TTN: variants seen among roughly 807,000 people sequenced by gnomAD.
TTN encodes the protein titin, also known as connectin.
A neutral mutation model predicts 3,223.0 loss-of-function variants in TTN; 1,525 were observed. The ratio of observed to expected loss-of-function variants is 0.47; its 90% CI spans 0.45 to 0.49. The LOEUF is 0.49. Among genes scored for constraint, TTN ranks in the 20% least tolerant of loss-of-function variants. TTN has a pLI of 0.00. For missense variants in TTN, 40,786 were observed against 43,424.0 expected (o/e 0.94, Z 5.40); for synonymous variants, 14,094 against 15,161.0 (o/e 0.93, Z 5.17).
rs1441559961 is a variant in TTN, at chr2:178,528,148, G to T, written c.107377+126C>A. 7.4e-6 allele frequency: 8 copies of T among 1,081,504 alleles called. No individual in the cohort carries two copies. In the East Asian group the frequency reaches 1.5e-4, roughly 20 times the overall value. The allele number at this position is 1,081,504 out of a possible 1,614,324, so 67.0% of individuals were successfully genotyped here. On this transcript the variant is annotated intron_variant, in intron 361 of 362. Transcript: ENST00000589042. ...TGACTACAAGAATGAATTCACATCA[G>T]TTGGCTGTCCCTCTTTCACATGGAA...
At chr2:178,751,574 A>C in intron 47 of TTN, 1 of 1,613,146 alleles carries the variant, frequency 6.2e-7, no homozygotes, top group Non-Finnish European at 8.5e-7. Context: ...TCTTTTCAGA[A>C]ATTCTAAATA....
chr2:178,644,713 T>C, intron 217 of TTN, 97 bp from the exon 218 acceptor site: 1 of 948,140 alleles, frequency 1.1e-6, no homozygotes, highest in Non-Finnish European at 1.5e-6. Flanking sequence ...GCTTTGCTTA[T>C]AACCAGAAAG....
At chr2:178,653,161 A>C (rs1460887030) in intron 198 of TTN, 37 bp from the exon 199 acceptor site, 1 of 1,609,664 alleles carries the variant, frequency 6.2e-7, no homozygotes, top group East Asian at 2.2e-5. Flanking sequence ...TTTAGGGGTT[A>C]TGAAGACCAC....
In TTN at chr2:178,597,723, G is replaced by A. The variant is rs936369232; in HGVS notation, c.57359C>T (p.Pro19120Leu). ...IRIIAYVSGK[P>L]PPTVTWNMNE... ...CATGTTCCAGGTGACGGTTGGAGGAGGCTTTCCAGACACATAGGCAATGAT... is the reference window on the plus strand; with the variant it reads ...CATGTTCCAGGTGACGGTTGGAGGAAGCTTTCCAGACACATAGGCAATGAT... Residue 19120 changes from proline to leucine, a missense_variant, in exon 294 of 363, where the codon CCT (proline) becomes CTT (leucine). Physicochemically the swap from Pro to Leu is moderately conservative, Grantham distance 98. Transcript: ENST00000589042. 2 of 1,613,282 alleles carry A rather than the reference G, an allele frequency of 1.2e-6. No homozygotes were observed. Among genetic ancestry groups the A allele is most frequent in the Non-Finnish European group, 1.7e-6 (2 of 1,179,562 alleles).
At chr2:178,696,294 G>C in intron 113 of TTN, 25 bp from the exon 114 acceptor site, 1 of 1,478,828 alleles carries the variant, frequency 6.8e-7, no homozygotes, top group Non-Finnish European at 8.9e-7. Context: ...GATACTATTA[G>C]CATATTAATT....
intron 21 of TTN, among the ~76,000 whole-genome samples, chr2:178,780,822 T>C (rs1405310657): frequency 6.6e-6 from 1 of 152,244 alleles, no homozygotes; most frequent in Admixed American, 6.5e-5. Context: ...TTGAGCTCAC[T>C]GTTACCTGCC....
In TTN at chr2:178,793,608, G is replaced by A. The variant is rs572184696; in HGVS notation, c.1399-67C>T. The A allele has an allele frequency of 9.4e-6, 15 of 1,601,444 alleles. No individual in the cohort carries two copies. In the South Asian group the frequency reaches 1.6e-4, roughly 18 times the overall value. On this transcript the variant is annotated intron_variant, in intron 8 of 362. Transcript: ENST00000589042. ...TTACATAAAAATTAGTTCAAGACCAGCCTCGCCAACATGGTGAAATCCTCT... is the reference window on the plus strand; with the variant it reads ...TTACATAAAAATTAGTTCAAGACCAACCTCGCCAACATGGTGAAATCCTCT...
chr2:178,773,029 G>T (rs193114828), intron 33 of TTN, 80 bp downstream of exon 33: 9 of 1,590,304 alleles, frequency 5.7e-6, no homozygotes, highest in Non-Finnish European at 6.9e-6. Flanking sequence ...AAACTGAAAG[G>T]AATTTTGGGG....
chr2:178,713,967 A>G lies in TTN; in HGVS notation c.26691T>C (p.Ser8897=), dbSNP rs758433199. 1.9e-6 allele frequency: 3 copies of G among 1,613,510 alleles called. No individual in the cohort carries two copies. The African/African-American group carries it at 4.0e-5, about 22-fold the overall frequency. Reference sequence around the variant, plus strand: ...TCTGCACCTCAAAACTGTATACCCCACTGTCACTCGGTGCTACATTGATGA... The same window carrying G: ...TCTGCACCTCAAAACTGTATACCCCGCTGTCACTCGGTGCTACATTGATGA... ...LKIINVAPSD[S]GVYSFEVQNP... Residue 8897 remains serine, a synonymous_variant, in exon 92 of 363, where the codon AGT becomes AGC. Coordinates refer to ENST00000589042, the MANE Select transcript of TTN (RefSeq NM_001267550.2).
chr2:178,592,737 A>G (rs752429416), intron 300 of TTN, 38 bp downstream of exon 300: 16 of 1,612,568 alleles, frequency 9.9e-6, no homozygotes, highest in Middle Eastern at 1.7e-4. Context: ...TCAGACATCT[A>G]TTTTCCTTGC....
chr2:178,790,179 C>T (rs890498024), intron 11 of TTN, 64 bp from the exon 12 acceptor site: 34 of 1,548,432 alleles, frequency 2.2e-5, no homozygotes, highest in Admixed American at 1.7e-4. Context: ...ATAAAAGAAA[C>T]GTAAGTCAAA....
rs780889180 is a variant in TTN, at chr2:178,764,568, T to G, written c.9947A>C (p.Asp3316Ala). The G allele has an allele frequency of 6.2e-7, 1 of 1,614,052 alleles. No homozygotes were observed. The highest frequency in any genetic ancestry group is 1.1e-5 in the South Asian group (1 of 91,082). The change falls in exon 42 of 363, where the codon GAC (aspartate) becomes GCC (alanine). Residue 3316 changes from aspartate (D) to alanine (A), a missense_variant. Asp to Ala is a moderately radical substitution (Grantham distance 126). Transcript: ENST00000589042. Reference protein sequence around the residue: ...AAVYTCEAKNDYGVATTSASL... With the variant: ...AAVYTCEAKNAYGVATTSASL... ...AGCTGATGTTGTGGCAACACCATAG[T>G]CATTCTTGGCTTCACAGGTATAGAC...
intron 99 of TTN, among the ~76,000 whole-genome samples, chr2:178,709,171 T>A (rs1185642006): frequency 1.3e-5 from 2 of 152,176 alleles, no homozygotes; most frequent in African/African-American, 4.8e-5. Context: ...CAGACTGTGA[T>A]ATAATATATA....
At chr2:178,633,730 A>G in intron 231 of TTN, 54 bp from the exon 232 acceptor site, 4 of 1,606,354 alleles carry the variant, frequency 2.5e-6, no homozygotes, top group Non-Finnish European at 2.5e-6. Context: ...AAAGTTTATT[A>G]AAGAGTAAAA....
At chr2:178,674,010 T>G (rs2067520561) in intron 151 of TTN, among the ~76,000 whole-genome samples, 1 of 151,720 alleles carries the variant, frequency 6.6e-6, no homozygotes, top group Non-Finnish European at 1.5e-5. Context: ...CCCCCCATAT[T>G]AATATTAAAA....
In TTN at chr2:178,599,664, G is replaced by A. The variant is rs762145585; in HGVS notation, c.56237C>T (p.Thr18746Ile). Residue 18746 changes from threonine to isoleucine, a missense_variant, in exon 289 of 363, where the codon ACT (threonine) becomes ATT (isoleucine). By Grantham distance (89) the Thr-to-Ile change is moderately conservative (BLOSUM62 -1). Transcript: ENST00000589042. Reference protein sequence around the residue: ...THVNKLVVDDTCTLVIPQSRR... With the variant: ...THVNKLVVDDICTLVIPQSRR... ...AGACTGCGGAATAACTAAAGTGCAA[G>A]TATCATCTACCACCAGTTTGTTGAC... The A allele has an allele frequency of 6.2e-7, 1 of 1,613,034 alleles. No individual in the cohort carries two copies. The highest frequency in any genetic ancestry group is 8.5e-7 in the Non-Finnish European group (1 of 1,179,362).
In TTN at chr2:178,610,218, T is replaced by C. The variant is rs761668415; in HGVS notation, c.51308A>G (p.Lys17103Arg). Reference sequence around the variant, plus strand: ...GAGATCCTTCACAGTCCATGACAGTTTGTTCTCACCAGACATGACTGGTAT... The same window carrying C: ...GAGATCCTTCACAGTCCATGACAGTCTGTTCTCACCAGACATGACTGGTAT... ...TYIPVMSGEN[K>R]LSWTVKDLIP... The change falls in exon 271 of 363, where the codon AAA (lysine) becomes AGA (arginine). Residue 17103 changes from lysine (K) to arginine (R), a missense_variant. Physicochemically the swap from Lys to Arg is conservative, Grantham distance 26. Coordinates refer to ENST00000589042, the MANE Select transcript of TTN (RefSeq NM_001267550.2). The C allele has an allele frequency of 6.2e-7, 1 of 1,612,986 alleles. No homozygotes were observed. The highest frequency in any genetic ancestry group is 1.1e-5 in the South Asian group (1 of 91,056).
At chr2:178,583,299 G>A (rs1365916928) in intron 312 of TTN, 72 bp from the exon 313 acceptor site, 1 of 1,312,662 alleles carries the variant, frequency 7.6e-7, no homozygotes, top group East Asian at 2.5e-5. Flanking sequence ...ATAATAGTGG[G>A]AAATTCATAT....
Position 178,601,110 on chromosome 2 carries a change from C to A in TTN, c.55794G>T (p.Leu18598=). ...IGLITKNTVH[L]SWKPPKNDGG... is the part of the protein sequence containing the mutation. ...CATCATTCTTCGGGGGTTTCCATGA[C>A]AGATGCACTGTGTTCTTTGTGATGA... The change falls in exon 288 of 363, where the codon CTG becomes CTT. Residue 18598 remains leucine (L), a synonymous_variant. Transcript: ENST00000589042. 1.3e-6 allele frequency: 2 copies of A among 1,593,484 alleles called. No individual in the cohort carries two copies. The highest frequency in any genetic ancestry group is 1.7e-6 in the Non-Finnish European group (2 of 1,170,062).
Sources: gnomAD v4.1 joint callset for allele counts (sites outside exome capture counted in the v4.1 genomes callset) on GRCh38, gnomAD v4.1.1 for gene constraint, MANE v1.5 for transcripts, NCBI Gene and HGNC (gene_info 2026-07-23, HGNC 2026-07-21) for gene names.